SRRT: variants seen among roughly 807,000 people sequenced by gnomAD.
SRRT encodes the protein serrate RNA effector molecule homolog.
A neutral mutation model predicts 103.2 loss-of-function variants in SRRT; 32 were observed. The ratio of observed to expected loss-of-function variants is 0.31; its 90% CI spans 0.23 to 0.42. The LOEUF (loss-of-function observed/expected upper bound fraction) is 0.42, where lower values mean the gene tolerates loss of function less well. Ranked by LOEUF, SRRT falls within the 10% of genes least tolerant of loss-of-function variation. The pLI, the probability that SRRT is intolerant of heterozygous loss-of-function variation, is 1.00. For synonymous variants in SRRT, 525 were observed against 449.0 expected (o/e 1.17, Z -2.14); for missense variants, 986 against 1,207.5 (o/e 0.82, Z 2.72).
chr7:100,887,193 C>G lies in SRRT; in HGVS notation c.1968C>G (p.His656Gln), dbSNP rs747283824. ...RGPMPPNRIS[H>Q]GEVLEWQKTF... is the part of the protein sequence containing the mutation. ...CCATGCCACCCAACCGCATCAGTCA[C>G]GGGGAAGGTGAGCTCCAGGTTCCCC... Residue 656 changes from histidine (H) to glutamine (Q), a missense_variant, in exon 15 of 20, where the codon CAC becomes CAG. Coordinates refer to ENST00000611405, the MANE Select transcript of SRRT (RefSeq NM_015908.6). This position sits in a 1 kb window ranked among gnomAD's most constrained non-coding sequence, Gnocchi z 4.1. 6.2e-7 allele frequency: 1 copy of G among 1,614,190 alleles called. No individual in the cohort carries two copies. Among genetic ancestry groups the G allele is most frequent in the Non-Finnish European group, 8.5e-7 (1 of 1,180,008 alleles).
intron 2 of SRRT, chr7:100,875,942 G>A: frequency 6.0e-6 from 3 of 501,310 alleles, no homozygotes; most frequent in East Asian, 3.7e-5. Flanking sequence ...TGAGTATGAA[G>A]AAGCACTGTT....
rs765300358 is a variant in SRRT, at chr7:100,875,740, C to T, written c.122+28C>T. Reference sequence around the variant, plus strand: ...GAGCCGTTTTTAACTTCATCTTGTCCCCGTTTCATGCCGTTTCACTCCACC... The same window carrying T: ...GAGCCGTTTTTAACTTCATCTTGTCTCCGTTTCATGCCGTTTCACTCCACC... On this transcript the variant is annotated intron_variant, in intron 2 of 19. Coordinates refer to ENST00000611405, the MANE Select transcript of SRRT (RefSeq NM_015908.6). The T allele has an allele frequency of 2.0e-5, 33 of 1,611,874 alleles. No homozygotes were observed. In the East Asian group the frequency reaches 3.6e-4, roughly 17 times the overall value.
In SRRT at chr7:100,885,297, G is replaced by C. The variant is rs150582291; in HGVS notation, c.1244G>C (p.Arg415Pro). 7 of 1,614,166 alleles carry C rather than the reference G, an allele frequency of 4.3e-6. No homozygotes were observed. The highest frequency in any genetic ancestry group is 5.1e-6 in the Non-Finnish European group (6 of 1,180,038). Residue 415 changes from arginine (R) to proline (P), a missense_variant, in exon 10 of 20, where the codon CGG (arginine) becomes CCG (proline). This residue lies in a region of SRRT where 349 missense variants were observed against 446.9 expected (regional missense o/e 0.78). Coordinates refer to ENST00000611405, the MANE Select transcript of SRRT (RefSeq NM_015908.6). The surrounding 1 kb of genome is among the most constrained non-coding windows in gnomAD (Gnocchi z 4.8). ...GCCGCGGGGCTGGAGTGCAAGCCGC[G>C]GCCGCTGCATAAGACCTGCTCCCTC... ...KDAAGLECKP[R>P]PLHKTCSLFM... is the part of the protein sequence containing the mutation.
chr7:100,886,886 G>T lies in SRRT; in HGVS notation c.1739G>T (p.Ser580Ile), dbSNP rs897743428. 4 of 1,614,060 alleles carry T rather than the reference G, an allele frequency of 2.5e-6. No individual in the cohort carries two copies. The African/African-American group carries it at 4.0e-5, about 16-fold the overall frequency. The change falls in exon 14 of 20, where the codon AGC (serine) becomes ATC (isoleucine). Residue 580 changes from serine to isoleucine, a missense_variant. Ser to Ile is a moderately radical substitution (Grantham distance 142). Coordinates refer to ENST00000611405, the MANE Select transcript of SRRT (RefSeq NM_015908.6). Reference protein sequence around the residue: ...SAEEEELLGSSGGAPPEEPPK... With the variant: ...SAEEEELLGSIGGAPPEEPPK... ...GAGGAGGAGGAGCTGCTGGGGAGCA[G>T]CGGGGGCGCTCCTCCTGAGGAGCCT...
rs554495533 is a variant in SRRT at position 100,888,552 on chromosome 7, C to T, written c.*3C>T. The T allele has an allele frequency of 2.0e-5, 32 of 1,614,142 alleles. No homozygotes were observed. The highest frequency in any genetic ancestry group is 6.7e-5 in the African/African-American group (5 of 75,028). On this transcript the variant is annotated 3_prime_UTR_variant, in exon 20 of 20. Transcript: ENST00000611405. Reference sequence around the variant, plus strand: ...CAGACGATGTTGATTTCTTTTGAGCCGTCCCCCGTTCCTCAGTCCTGTATC... The same window carrying T: ...CAGACGATGTTGATTTCTTTTGAGCTGTCCCCCGTTCCTCAGTCCTGTATC...
At chr7:100,875,733 T>A (rs1815617803) in intron 2 of SRRT, 21 bp downstream of exon 2, 4 of 1,612,826 alleles carry the variant, frequency 2.5e-6, no homozygotes, top group Non-Finnish European at 3.4e-6. Context: ...TTTAACTTCA[T>A]CTTGTCCCCG....
In SRRT at chr7:100,888,631, C is replaced by T. The variant is rs1386134720; in HGVS notation, c.*82C>T. On this transcript the variant is annotated 3_prime_UTR_variant, in exon 20 of 20. Coordinates refer to ENST00000611405, the MANE Select transcript of SRRT (RefSeq NM_015908.6). ...AAGCTCTGAGAATTTTTTGTACGAT[C>T]AGCCTTACTGCTAATAAAAGCACTT... The T allele has an allele frequency of 1.3e-6, 2 of 1,565,026 alleles. No homozygotes were observed. Among genetic ancestry groups the T allele is most frequent in the Admixed American group, 1.7e-5 (1 of 59,380 alleles).
At position 100,884,553 on chromosome 7, in the gene SRRT, G is replaced by A; in HGVS notation, c.942+1G>A. ...TGAGAAGAAGGAAGACGGCAAGCAG[G>A]TCCGAGCCCTGGGTCTCCTAGTGTT... On this transcript the variant is annotated splice_donor_variant, in intron 7 of 19. Coordinates refer to ENST00000611405, the MANE Select transcript of SRRT (RefSeq NM_015908.6). LOFTEE classifies it high-confidence loss of function. The A allele has an allele frequency of 6.6e-7, 1 of 1,520,222 alleles. No individual in the cohort carries two copies. Among genetic ancestry groups the A allele is most frequent in the Non-Finnish European group, 8.9e-7 (1 of 1,122,578 alleles). The allele number at this position is 1,520,222 out of a possible 1,614,324, so 94.2% of individuals were successfully genotyped here.
rs746562997 is a variant in SRRT at position 100,882,247 on chromosome 7, T to C, written c.587+6T>C. On this transcript the variant is annotated splice_donor_region_variant and intron_variant, in intron 5 of 19. Transcript: ENST00000611405. This position sits in a 1 kb window ranked among gnomAD's most constrained non-coding sequence, Gnocchi z 4.2. ...GCGCACAAAGATGAGGAGTGGTGAG[T>C]GCCCCTACTTCCCTGGACCTCTGCC... 5.6e-6 allele frequency: 9 copies of C among 1,612,948 alleles called. No homozygotes were observed. Among genetic ancestry groups the C allele is most frequent in the Middle Eastern group, 1.6e-4 (1 of 6,076 alleles).
intron 2 of SRRT, among the ~76,000 whole-genome samples, chr7:100,879,983 G>A (rs1201921340): frequency 6.6e-6 from 1 of 152,226 alleles, no homozygotes; most frequent in Non-Finnish European, 1.5e-5. Flanking sequence ...ACGGTGTGAT[G>A]TGATGAGACT....
chr7:100,886,775 G>A lies in SRRT; in HGVS notation c.1648-20G>A. 6.2e-7 allele frequency: 1 copy of A among 1,613,682 alleles called. No individual in the cohort carries two copies. The highest frequency in any genetic ancestry group is 2.2e-5 in the East Asian group (1 of 44,870). On this transcript the variant is annotated intron_variant, in intron 13 of 19. Transcript: ENST00000611405. ...TCTGAAGGTCTTCTCTGCCTTACTT[G>A]CTTCTCTTCCTCCCATCAGAGCCTG...
In SRRT at chr7:100,884,334, C is replaced by T. The variant is rs565636722; in HGVS notation, c.758-34C>T. 1.9e-5 allele frequency: 31 copies of T among 1,612,410 alleles called. No homozygotes were observed. The East Asian group carries it at 6.5e-4, about 34-fold the overall frequency. On this transcript the variant is annotated intron_variant, in intron 6 of 19. Transcript: ENST00000611405. ...AAGCCGGTTGACAGGAGCCAGGGCCCTGGGGTCATGACCTCTGTTCCCTTT... is the reference window on the plus strand; with the variant it reads ...AAGCCGGTTGACAGGAGCCAGGGCCTTGGGGTCATGACCTCTGTTCCCTTT...
In SRRT at chr7:100,881,786, G is replaced by C. The variant is rs781431011; in HGVS notation, c.379G>C (p.Val127Leu). The part of the protein sequence containing the change: ...HPDVHIMQHH[V>L]LPIQARLGSI... ...TGACGTCCACATCATGCAGCACCAT[G>C]TCCTGCCTATCCAGGCCAGGTAAGG... The change falls in exon 4 of 20, where the codon GTC becomes CTC. Residue 127 changes from valine (V) to leucine (L), a missense_variant. Val to Leu is a conservative substitution (Grantham distance 32). Coordinates refer to ENST00000611405, the MANE Select transcript of SRRT (RefSeq NM_015908.6). 6.2e-7 allele frequency: 1 copy of C among 1,611,600 alleles called. No homozygotes were observed. The highest frequency in any genetic ancestry group is 8.5e-7 in the Non-Finnish European group (1 of 1,179,246).
At position 100,875,300 on chromosome 7, in the gene SRRT, G is replaced by A; in HGVS notation, c.-47G>A. On this transcript the variant is annotated 5_prime_UTR_variant, in exon 1 of 20. Transcript: ENST00000611405. ...GCCCTGAAATCTAGCCCGTCCGAGCGCGAGTCCAACGGCCGCGGCCGCACC... is the reference window on the plus strand; with the variant it reads ...GCCCTGAAATCTAGCCCGTCCGAGCACGAGTCCAACGGCCGCGGCCGCACC... The A allele has an allele frequency of 2.0e-6, 2 of 1,018,110 alleles. No homozygotes were observed. The highest frequency in any genetic ancestry group is 1.7e-5 in the African/African-American group (1 of 59,530). 63.1% of individuals were successfully genotyped at this position (1,018,110 alleles called of 1,614,324 possible).
intron 5 of SRRT, among the ~76,000 whole-genome samples, chr7:100,883,730 G>A (rs576612288): frequency 6.6e-6 from 1 of 152,254 alleles, no homozygotes; most frequent in African/African-American, 2.4e-5. Flanking sequence ...CTGAAGCTTT[G>A]GGAAATGACA....
chr7:100,878,200 A>C lies in SRRT; in HGVS notation c.122+2488A>C, dbSNP rs111862791. ...GGTGGCACATGCCTGTAGTCCCGGC[A>C]ACTCCGGAGGCTGAGGCGGGAGGAT... On this transcript the variant is annotated intron_variant, in intron 2 of 19. Coordinates refer to ENST00000611405, the MANE Select transcript of SRRT (RefSeq NM_015908.6). Among the ~76,000 whole-genome samples, 1,170 of 152,148 alleles carry C rather than the reference A, an allele frequency of 7.7e-3. 18 individuals are homozygous for C. Among genetic ancestry groups the C allele is most frequent in the African/African-American group, 0.027 (1,121 of 41,538 alleles).
At chr7:100,883,321 G>C (rs565084267) in intron 5 of SRRT, among the ~76,000 whole-genome samples, 1 of 151,578 alleles carries the variant, frequency 6.6e-6, no homozygotes, top group African/African-American at 2.4e-5. Flanking sequence ...CTTTGTTTTC[G>C]GTTTCTGGGA....
At position 100,885,842 on chromosome 7, in the gene SRRT, A is replaced by G; in HGVS notation, c.1380-21A>G. The G allele has an allele frequency of 6.2e-7, 1 of 1,614,060 alleles. No individual in the cohort carries two copies. The highest frequency in any genetic ancestry group is 2.2e-5 in the East Asian group (1 of 44,876). On this transcript the variant is annotated intron_variant, in intron 11 of 19. Coordinates refer to ENST00000611405, the MANE Select transcript of SRRT (RefSeq NM_015908.6). This position sits in a 1 kb window ranked among gnomAD's most constrained non-coding sequence, Gnocchi z 4.8. Reference sequence around the variant, plus strand: ...ACCAACTCCCTCGCTTGACTATGCTAACATTTTCTTTCTTGTGTAGGTTTT... The same window carrying G: ...ACCAACTCCCTCGCTTGACTATGCTGACATTTTCTTTCTTGTGTAGGTTTT...
At chr7:100,878,775 A>G (rs1452869564) in intron 2 of SRRT, among the ~76,000 whole-genome samples, 2 of 151,524 alleles carry the variant, frequency 1.3e-5, no homozygotes, top group East Asian at 3.9e-4. Flanking sequence ...GCCACAGATC[A>G]CTGCAGCCTT....
Sources: allele counts gnomAD v4.1 joint callset (sites outside exome capture counted in the v4.1 genomes callset), GRCh38; gene constraint gnomAD v4.1.1; regional missense constraint gnomAD v4.1.1; non-coding constraint Gnocchi (gnomAD v3.1); transcripts MANE v1.5; gene names NCBI Gene and HGNC (gene_info 2026-07-23, HGNC 2026-07-21).